INPP5A: variants seen among roughly 807,000 people sequenced by gnomAD.
The protein encoded by INPP5A is 43 kDa inositol polyphosphate 5-phophatase.
INPP5A carries 14 observed loss-of-function variants against 65.2 expected under a neutral mutation model. The observed-to-expected ratio is 0.21, with a 90% confidence interval of 0.14 to 0.34. INPP5A has a LOEUF of 0.34. Among genes scored for constraint, INPP5A ranks in the 10% least tolerant of loss-of-function variants. INPP5A has a pLI of 1.00. For missense variants in INPP5A, 431 were observed against 545.6 expected, an observed-to-expected ratio of 0.79 and a Z score of 2.09; for synonymous variants, 207 against 208.3, an observed-to-expected ratio of 0.99 and a Z score of 0.05.
intron 11 of INPP5A, among the ~76,000 whole-genome samples, chr10:132,756,741 C>T (rs1393613692): frequency 6.6e-6 from 1 of 152,258 alleles, no homozygotes; most frequent in Non-Finnish European, 1.5e-5. Flanking sequence ...AAAAAGGTAC[C>T]TGTAAACAGC....
chr10:132,757,997 G>T (rs1431151199), intron 11 of INPP5A, among the ~76,000 whole-genome samples: 1 of 145,402 alleles, frequency 6.9e-6, no homozygotes, highest in African/African-American at 2.6e-5. Flanking sequence ...AATGTTGTGG[G>T]TCTCTGGCTG....
intron 2 of INPP5A, among the ~76,000 whole-genome samples, chr10:132,630,971 C>T (rs539953175): frequency 2.6e-5 from 4 of 152,296 alleles, no homozygotes; most frequent in African/African-American, 9.6e-5. Flanking sequence ...CTTGCCCTAT[C>T]TCTGGGGGGA....
At chr10:132,763,464 TGA>T (rs911530869) in intron 11 of INPP5A, among the ~76,000 whole-genome samples, 24 of 152,266 alleles carry the variant, frequency 1.6e-4, no homozygotes, top group Admixed American at 1.1e-3. Flanking sequence ...GGCCTGTGTG[TGA>T]ATGTATCTGA....
chr10:132,538,236 G>T lies in INPP5A; in HGVS notation c.75+65G>T. On this transcript the variant is annotated intron_variant, in intron 1 of 15. Transcript: ENST00000368594. The surrounding 1 kb of genome is among the most constrained non-coding windows in gnomAD (Gnocchi z 4.1). ...CCCCCGACCCTGACCCCGGGGTCCCGAACTGCAAGCCTTGGACCCTGGACC... is the reference window on the plus strand; with the variant it reads ...CCCCCGACCCTGACCCCGGGGTCCCTAACTGCAAGCCTTGGACCCTGGACC... 1 of 1,002,714 alleles carries T rather than the reference G, an allele frequency of 1.0e-6. No homozygotes were observed. Among genetic ancestry groups the T allele is most frequent in the Non-Finnish European group, 1.3e-6 (1 of 781,128 alleles). The allele number at this position is 1,002,714 out of a possible 1,614,324, so 62.1% of individuals were successfully genotyped here.
chr10:132,734,724 C>G (rs1846146750), intron 9 of INPP5A, among the ~76,000 whole-genome samples: 2 of 152,254 alleles, frequency 1.3e-5, no homozygotes, highest in Non-Finnish European at 2.9e-5. Context: ...GCTGCCTCCC[C>G]CACCTCTCTT....
At chr10:132,540,694 C>T (rs1382756239) in intron 1 of INPP5A, among the ~76,000 whole-genome samples, 3 of 152,316 alleles carry the variant, frequency 2.0e-5, no homozygotes, top group Non-Finnish European at 2.9e-5. Flanking sequence ...TTTCAGGGGA[C>T]CTGCTTTGAG....
intron 11 of INPP5A, among the ~76,000 whole-genome samples, chr10:132,755,185 GAGC>G (rs1467393102): frequency 6.6e-6 from 1 of 152,104 alleles, no homozygotes; most frequent in Non-Finnish European, 1.5e-5. Context: ...GCATGTGTGA[GAGC>G]AGGCATATGC....
chr10:132,756,662 T>C (rs1295742709), intron 11 of INPP5A, among the ~76,000 whole-genome samples: 1 of 152,180 alleles, frequency 6.6e-6, no homozygotes, highest in Non-Finnish European at 1.5e-5. Flanking sequence ...AACAACTGTG[T>C]TACTGGTGTC....
chr10:132,553,702 T>C (rs1480178674), intron 1 of INPP5A, among the ~76,000 whole-genome samples: 10 of 113,558 alleles, frequency 8.8e-5, no homozygotes, highest in Middle Eastern at 7.9e-3. Context: ...GTGTGGAATA[T>C]TGAGTGGGAT....
At chr10:132,757,257 A>G (rs1457137221) in intron 11 of INPP5A, among the ~76,000 whole-genome samples, 1 of 152,230 alleles carries the variant, frequency 6.6e-6, no homozygotes, top group Non-Finnish European at 1.5e-5. Flanking sequence ...AGTTGATCCC[A>G]GGCCTTCCCG....
chr10:132,567,813 G>A (rs949889558), intron 1 of INPP5A, among the ~76,000 whole-genome samples: 1 of 152,036 alleles, frequency 6.6e-6, no homozygotes, highest in African/African-American at 2.4e-5. Context: ...GATTTAATGT[G>A]AATTATACTG....
chr10:132,720,631 C>T, intron 8 of INPP5A, among the ~76,000 whole-genome samples: 1 of 150,312 alleles, frequency 6.7e-6, no homozygotes, highest in Non-Finnish European at 1.5e-5. Context: ...TACCTGGGTT[C>T]TGTCTGGGCA....
chr10:132,618,579 G>A (rs1313785195), intron 2 of INPP5A, among the ~76,000 whole-genome samples: 4 of 152,244 alleles, frequency 2.6e-5, no homozygotes, highest in Non-Finnish European at 4.4e-5. Context: ...CATGGAAGAA[G>A]AGTGTATTAG....
chr10:132,688,834 G>A (rs1228231765), intron 4 of INPP5A, among the ~76,000 whole-genome samples: 1 of 151,900 alleles, frequency 6.6e-6, no homozygotes, highest in Non-Finnish European at 1.5e-5. Context: ...GAGTGCAAGT[G>A]TAAGTGTGCG....
chr10:132,721,075 T>C (rs1342266756), intron 8 of INPP5A, among the ~76,000 whole-genome samples: 1 of 147,464 alleles, frequency 6.8e-6, no homozygotes, highest in Non-Finnish European at 1.5e-5. Flanking sequence ...TCTTCAGGGT[T>C]CTGTGGTACC....
chr10:132,552,119 A>T (rs2071059636), intron 1 of INPP5A, among the ~76,000 whole-genome samples: 1 of 152,032 alleles, frequency 6.6e-6, no homozygotes, highest in South Asian at 2.1e-4. Flanking sequence ...GGGAGGGAGG[A>T]TTGGTGGCGC....
Position 132,782,393 on chromosome 10 carries a change from C to T in INPP5A, c.*364C>T. ...GGGCTTCTTCAGCACAGAGACCCCC[C>T]ACTGTGTCCAGGGACCCCCTCTGCC... is the stretch of plus-strand genomic sequence containing the variant. On this transcript the variant is annotated 3_prime_UTR_variant, in exon 16 of 16. Transcript: ENST00000368594. This position sits in a 1 kb window ranked among gnomAD's most constrained non-coding sequence, Gnocchi z 4.4. 1 of 314,928 alleles carries T rather than the reference C, an allele frequency of 3.2e-6. No homozygotes were observed. Among genetic ancestry groups the T allele is most frequent in the Non-Finnish European group, 6.1e-6 (1 of 162,856 alleles). The allele number at this position is 314,928 out of a possible 1,614,324, so 19.5% of individuals were successfully genotyped here.
chr10:132,754,873 G>A (rs556481209), intron 11 of INPP5A, among the ~76,000 whole-genome samples: 7 of 152,338 alleles, frequency 4.6e-5, no homozygotes, highest in Non-Finnish European at 7.3e-5. Context: ...GCGTGTGTGC[G>A]TGGATATGTG....
At chr10:132,748,161 C>T (rs1222284155) in intron 9 of INPP5A, among the ~76,000 whole-genome samples, 1 of 152,158 alleles carries the variant, frequency 6.6e-6, no homozygotes, top group Admixed American at 6.5e-5. Flanking sequence ...ACTATCCCTC[C>T]AGCCCCCGCC....
Sources: gnomAD v4.1 joint callset for allele counts (sites outside exome capture counted in the v4.1 genomes callset) on GRCh38, gnomAD v4.1.1 for gene constraint, Gnocchi (gnomAD v3.1) non-coding constraint, MANE v1.5 for transcripts, NCBI Gene and HGNC (gene_info 2026-07-23, HGNC 2026-07-21) for gene names.